Variants in SNX18 observed in about 807,000 individuals in gnomAD.
SNX18 encodes sorting nexin-18.
SNX18 carries 35 observed loss-of-function variants against 48.7 expected under a neutral mutation model. The observed-to-expected ratio is 0.72, with a 90% CI of 0.55 to 0.95. The LOEUF (loss-of-function observed/expected upper bound fraction) is 0.95. Ranked by LOEUF, SNX18 falls within the 40% of genes least tolerant of loss-of-function variation. SNX18 has a pLI of 0.00. For missense variants in SNX18, 824 were observed against 871.0 expected (o/e 0.95, Z 0.68); for synonymous variants, 492 against 384.7 (o/e 1.28, Z -3.26).
At chr5:54,591,638 C>T in the SNX18 span, among the ~76,000 whole-genome samples, 1 of 152,210 alleles carries the variant, frequency 6.6e-6, no homozygotes, top group African/African-American at 2.4e-5. Flanking sequence ...CTAATGTTCT[C>T]CTTTACCTCC....
the SNX18 span, among the ~76,000 whole-genome samples, chr5:54,633,129 T>C: frequency 1.3e-5 from 2 of 152,082 alleles, no homozygotes; most frequent in African/African-American, 2.4e-5. Context: ...AAGGCAGATT[T>C]CTGGTCTCCT....
At chr5:54,637,448 G>GA in the SNX18 span, among the ~76,000 whole-genome samples, 1 of 152,034 alleles carries the variant, frequency 6.6e-6, no homozygotes, top group Non-Finnish European at 1.5e-5. Flanking sequence ...TTTTATCAAA[G>GA]AAATTTTCTA....
chr5:54,621,183 C>T, the SNX18 span, among the ~76,000 whole-genome samples: 3 of 152,150 alleles, frequency 2.0e-5, no homozygotes, highest in Non-Finnish European at 4.4e-5. Flanking sequence ...ACCCTCTGGC[C>T]ACAGGCACTC....
At chr5:54,575,211 C>T in the SNX18 span, among the ~76,000 whole-genome samples, 1 of 152,024 alleles carries the variant, frequency 6.6e-6, no homozygotes, top group East Asian at 1.9e-4. Context: ...ACCCCAAAGC[C>T]ACCACGCCGG....
intron 1 of SNX18, among the ~76,000 whole-genome samples, chr5:54,522,594 T>C (rs1480447174): frequency 1.3e-5 from 2 of 152,242 alleles, no homozygotes; most frequent in African/African-American, 2.4e-5. Context: ...CAAGTCCTGC[T>C]AGATTCTTCT....
downstream of SNX18, among the ~76,000 whole-genome samples, chr5:54,548,929 A>G (rs1213800141): frequency 6.6e-5 from 10 of 152,284 alleles, no homozygotes; most frequent in African/African-American, 2.4e-4. Context: ...CATATAACCT[A>G]TGCACGTTCT....
chr5:54,567,693 A>G, the SNX18 span, among the ~76,000 whole-genome samples: 6 of 152,216 alleles, frequency 3.9e-5, no homozygotes, highest in African/African-American at 1.2e-4. Context: ...GCTGATGAGC[A>G]GTTTGGTTAC....
At chr5:54,593,093 G>T in the SNX18 span, among the ~76,000 whole-genome samples, 1 of 152,108 alleles carries the variant, frequency 6.6e-6, no homozygotes, top group Non-Finnish European at 1.5e-5. Flanking sequence ...GAGCCACTAT[G>T]CCTGGCCCCA....
At chr5:54,589,085 C>T in the SNX18 span, among the ~76,000 whole-genome samples, 3,657 of 152,232 alleles carry the variant, frequency 0.024, 161 homozygotes, top group African/African-American at 0.083. Flanking sequence ...ACTATTAAGA[C>T]AAAAGTGAAA....
intron 1 of SNX18, among the ~76,000 whole-genome samples, chr5:54,527,139 C>T (rs1041559899): frequency 1.3e-5 from 2 of 151,866 alleles, no homozygotes; most frequent in South Asian, 2.1e-4. Context: ...GGAATGAAAG[C>T]CCGAGTCAGA....
the SNX18 span, among the ~76,000 whole-genome samples, chr5:54,623,102 G>C: frequency 6.6e-6 from 1 of 152,244 alleles, no homozygotes; most frequent in East Asian, 1.9e-4. Context: ...TAGATTGTGG[G>C]CTCAGTCTCT....
chr5:54,623,951 T>G, the SNX18 span, among the ~76,000 whole-genome samples: 3 of 152,206 alleles, frequency 2.0e-5, no homozygotes, highest in Admixed American at 2.0e-4. Context: ...AGAATTCACT[T>G]AACCTCAGTT....
At chr5:54,620,181 G>A in the SNX18 span, among the ~76,000 whole-genome samples, 2 of 152,062 alleles carry the variant, frequency 1.3e-5, no homozygotes, top group African/African-American at 4.8e-5. Flanking sequence ...GATTTTGCAA[G>A]GGTTTATTTA....
the SNX18 span, among the ~76,000 whole-genome samples, chr5:54,618,938 GAAAAGTAGAAAAA>G: frequency 6.8e-6 from 1 of 147,186 alleles, no homozygotes; most frequent in African/African-American, 2.4e-5. Context: ...TTTAATATCT[GAAAAGTAGAAAAA>G]AAAAGGAAAC....
At chr5:54,643,530 T>C in the SNX18 span, 3 of 152,248 alleles carry the variant, frequency 2.0e-5, no homozygotes, top group Admixed American at 2.0e-4. Flanking sequence ...TTAGTTTATA[T>C]AAATTATTTT....
At chr5:54,533,185 G>A (rs1762283305) in intron 1 of SNX18, among the ~76,000 whole-genome samples, 1 of 151,950 alleles carries the variant, frequency 6.6e-6, no homozygotes, top group South Asian at 2.1e-4. Flanking sequence ...AGTTCTCTTT[G>A]TCATTTATTA....
chr5:54,590,754 T>C, the SNX18 span, among the ~76,000 whole-genome samples: 1 of 152,152 alleles, frequency 6.6e-6, no homozygotes, highest in Admixed American at 6.5e-5. Flanking sequence ...TCTCAGACAG[T>C]CCCCTGCTTC....
At chr5:54,646,878 T>TG in the SNX18 span, among the ~76,000 whole-genome samples, 1 of 152,186 alleles carries the variant, frequency 6.6e-6, no homozygotes, top group African/African-American at 2.4e-5. Context: ...CGACTTGTTT[T>TG]CAACAGGCCT....
the SNX18 span, among the ~76,000 whole-genome samples, chr5:54,587,285 G>T: frequency 7.2e-5 from 11 of 152,272 alleles, no homozygotes; most frequent in African/African-American, 2.6e-4. Flanking sequence ...TAAACAAAAG[G>T]TTATAAACAG....
Sources: allele counts gnomAD v4.1 joint callset (sites outside exome capture counted in the v4.1 genomes callset), GRCh38; gene constraint gnomAD v4.1.1; transcripts MANE v1.5; gene names NCBI Gene and HGNC (gene_info 2026-07-23, HGNC 2026-07-21).